Variants in UROC1 observed in about 807,000 individuals in gnomAD.
The protein encoded by UROC1 is urocanate hydratase 1.
A neutral mutation model predicts 89.5 loss-of-function variants in UROC1; 79 were observed. The observed-to-expected ratio is 0.88, with a 90% CI of 0.74 to 1.06. UROC1 has a LOEUF of 1.06. Ranked by LOEUF, UROC1 falls within the 50% of genes least tolerant of loss-of-function variation. The pLI is 0.00. For missense variants in UROC1, 885 were observed against 907.8 expected (o/e 0.97, Z 0.32); for synonymous variants, 361 against 354.8 (o/e 1.02, Z -0.20).
rs781621925 is a variant in UROC1 at position 126,504,042 on chromosome 3, C to T, written c.855G>A (p.Trp285Ter). 10 of 1,614,154 alleles carry T rather than the reference C, an allele frequency of 6.2e-6. No homozygotes were observed. Among genetic ancestry groups the T allele is most frequent in the Middle Eastern group, 1.6e-4 (1 of 6,062 alleles). ...CCAAGCTGTCAGTCACTTCCATCAGCCAGCCCTGCCTGTGGCGTTTCTCAA... is the reference window on the plus strand; with the variant it reads ...CCAAGCTGTCAGTCACTTCCATCAGTCAGCCCTGCCTGTGGCGTTTCTCAA... ...AALEKRHRQGWLMEVTDSLDR... is the reference protein window; with the variant it reads ...AALEKRHRQG Residue 285 changes from tryptophan (W) to a stop codon, truncating the protein, a stop_gained, in exon 9 of 20, where the codon TGG (tryptophan) becomes TGA (stop). Coordinates refer to ENST00000290868, the MANE Select transcript of UROC1 (RefSeq NM_144639.3). LOFTEE classifies it high-confidence loss of function.
At chr3:126,492,324 G>A (rs940204290) in intron 16 of UROC1, 94 bp downstream of exon 16, 4 of 1,216,344 alleles carry the variant, frequency 3.3e-6, no homozygotes, top group African/African-American at 3.0e-5. Flanking sequence ...GAAGGCTGTG[G>A]GGTGCAGCCG....
At chr3:126,485,518 C>T (rs1448955883) in intron 18 of UROC1, among the ~76,000 whole-genome samples, 1 of 152,100 alleles carries the variant, frequency 6.6e-6, no homozygotes, top group African/African-American at 2.4e-5. Context: ...GGATCAGCGT[C>T]ACCAGGAGCT....
At chr3:126,502,434 TTA>T (rs1935952639) in intron 9 of UROC1, among the ~76,000 whole-genome samples, 1 of 151,786 alleles carries the variant, frequency 6.6e-6, no homozygotes, top group African/African-American at 2.4e-5. Context: ...GTGTTTGTGT[TTA>T]TTATGTATAT....
In UROC1 at chr3:126,489,342, C is replaced by A. The variant is rs773821871; in HGVS notation, c.1642G>T (p.Val548Leu). 1.2e-6 allele frequency: 2 copies of A among 1,613,246 alleles called. No homozygotes were observed. The highest frequency in any genetic ancestry group is 1.3e-5 in the African/African-American group (1 of 74,928). The change falls in exon 17 of 20, where the codon GTG (valine) becomes TTG (leucine). Residue 548 changes from valine (V) to leucine (L), a missense_variant. Transcript: ENST00000290868. ...PVVLSRDHHD[V>L]SGTDSPFRET... ...CTAAAGGGGCTGTCGGTGCCGCTCA[C>A]GTCATGGTGATCTCGGCTCAGGACC...
In UROC1 at chr3:126,482,369, C is replaced by A; in HGVS notation, c.2007G>T (p.Val669=). 6.2e-7 allele frequency: 1 copy of A among 1,613,502 alleles called. No individual in the cohort carries two copies. Among genetic ancestry groups the A allele is most frequent in the Non-Finnish European group, 8.5e-7 (1 of 1,179,904 alleles). The change falls in exon 20 of 20, where the codon GTG becomes GTT. Residue 669 remains valine, a synonymous_variant. Transcript: ENST00000290868. ...TLPHKVEDER[V]LQQALQL is the part of the protein sequence containing the mutation. ...CTCAGAGCTGCAGGGCCTGCTGGAG[C>A]ACCCGCTCGTCCTCCACCTTGTGAG... is the stretch of plus-strand genomic sequence containing the variant.
In UROC1 at chr3:126,489,330, C is replaced by T. The variant is rs755746087; in HGVS notation, c.1654G>A (p.Asp552Asn). The change falls in exon 17 of 20, where the codon GAC becomes AAC. Residue 552 changes from aspartate to asparagine, a missense_variant. Physicochemically the swap from Asp to Asn is conservative, Grantham distance 23 (BLOSUM62 1). Transcript: ENST00000290868. ...SRDHHDVSGT[D>N]SPFRETSNIY... Reference sequence around the variant, plus strand: ...TTGGAGGTCTCCCTAAAGGGGCTGTCGGTGCCGCTCACGTCATGGTGATCT... The same window carrying T: ...TTGGAGGTCTCCCTAAAGGGGCTGTTGGTGCCGCTCACGTCATGGTGATCT... 8.7e-6 allele frequency: 14 copies of T among 1,613,432 alleles called. No individual in the cohort carries two copies. The African/African-American group carries it at 9.3e-5, about 11-fold the overall frequency.
intron 18 of UROC1, among the ~76,000 whole-genome samples, chr3:126,485,360 A>G (rs1243623993): frequency 2.0e-5 from 3 of 150,892 alleles, no homozygotes; most frequent in African/African-American, 7.3e-5. Context: ...TGGCCTGAGA[A>G]CTGCTGTCAA....
intron 9 of UROC1, among the ~76,000 whole-genome samples, chr3:126,502,135 T>C (rs1221499632): frequency 1.3e-5 from 2 of 152,330 alleles, no homozygotes; most frequent in East Asian, 1.9e-4. Context: ...TGCGTGTATA[T>C]GCATATGTGT....
chr3:126,494,996 G>A (rs957978355), intron 15 of UROC1, among the ~76,000 whole-genome samples: 2 of 152,302 alleles, frequency 1.3e-5, no homozygotes, highest in African/African-American at 4.8e-5. Context: ...GTGGCGCTCA[G>A]AGAGGCTGAA....
intron 14 of UROC1, 144 bp from the exon 15 acceptor site, chr3:126,496,252 C>T (rs975257706): frequency 5.3e-6 from 4 of 758,918 alleles, no homozygotes; most frequent in South Asian, 1.6e-5. Flanking sequence ...CCCACCCCAC[C>T]CCTGCCTTTG....
intron 14 of UROC1, among the ~76,000 whole-genome samples, chr3:126,496,998 C>T (rs1159717444): frequency 6.6e-6 from 1 of 152,182 alleles, no homozygotes; most frequent in Admixed American, 6.5e-5. Flanking sequence ...TCCCCACTGG[C>T]TGCCTGCTGT....
Position 126,482,276 on chromosome 3 carries a change from T to C in UROC1, c.*69A>G. ...GTAGTGCGGGTGTGCAGGAAGGGTG[T>C]GTGCCATGGCTGGGCAGGTGAGGAT... On this transcript the variant is annotated 3_prime_UTR_variant, in exon 20 of 20. Transcript: ENST00000290868. 6.3e-7 allele frequency: 1 copy of C among 1,599,954 alleles called. No homozygotes were observed. Among genetic ancestry groups the C allele is most frequent in the South Asian group, 1.1e-5 (1 of 90,000 alleles).
In UROC1 at chr3:126,517,584, C is replaced by G; in HGVS notation, c.126+10G>C. 1 of 1,612,378 alleles carries G rather than the reference C, an allele frequency of 6.2e-7. No homozygotes were observed. Among genetic ancestry groups the G allele is most frequent in the Non-Finnish European group, 8.5e-7 (1 of 1,179,714 alleles). Reference sequence around the variant, plus strand: ...GGCCAAGGCCTCGGGAGCACGGGCCCACTGCTTACCTGTTTCTCCACAGGG... The same window carrying G: ...GGCCAAGGCCTCGGGAGCACGGGCCGACTGCTTACCTGTTTCTCCACAGGG... On this transcript the variant is annotated intron_variant, in intron 1 of 19. Coordinates refer to ENST00000290868, the MANE Select transcript of UROC1 (RefSeq NM_144639.3).
rs34663426 is a variant in UROC1 at position 126,501,235 on chromosome 3, G to A, written c.948C>T (p.Gly316=). 0.024 allele frequency: 39,149 copies of A among 1,614,114 alleles called. 575 individuals are homozygous for A. The highest frequency in any genetic ancestry group is 0.029 in the Non-Finnish European group (34,642 of 1,179,988). ...KKEVLSLGYH[G]NVVALWERLV... ...CCACTCACCAAAGAGCCACCACGTT[G>A]CCATGGTAACCAAGGCTGAGCACCT... Residue 316 remains glycine, a synonymous_variant, in exon 10 of 20, where the codon GGC becomes GGT. Transcript: ENST00000290868.
intron 1 of UROC1, among the ~76,000 whole-genome samples, chr3:126,513,421 T>C (rs1027883907): frequency 2.6e-5 from 4 of 152,180 alleles, no homozygotes; most frequent in African/African-American, 9.7e-5. Flanking sequence ...CAGGCTTCCT[T>C]CTCCACATCT....
intron 8 of UROC1, among the ~76,000 whole-genome samples, chr3:126,504,368 C>T (rs1311382281): frequency 2.6e-5 from 4 of 152,140 alleles, no homozygotes; most frequent in African/African-American, 9.7e-5. Flanking sequence ...CTCCATCCTC[C>T]CTTGCAGATA....
chr3:126,510,704 G>C lies in UROC1; in HGVS notation c.217C>G (p.His73Asp). ...EFAQELQLYG[H>D]IYMYRFCPDI... ...GGGCAAAACCGGTACATGTAGATGTGTCCGTACAGTTGCAGCTCCTGGGCA... is the reference window on the plus strand; with the variant it reads ...GGGCAAAACCGGTACATGTAGATGTCTCCGTACAGTTGCAGCTCCTGGGCA... The change falls in exon 2 of 20, where the codon CAC becomes GAC. Residue 73 changes from histidine (H) to aspartate (D), a missense_variant. His to Asp is a moderately conservative substitution (Grantham distance 81, BLOSUM62 -1). Coordinates refer to ENST00000290868, the MANE Select transcript of UROC1 (RefSeq NM_144639.3). 1 of 1,614,188 alleles carries C rather than the reference G, an allele frequency of 6.2e-7. No homozygotes were observed. The highest frequency in any genetic ancestry group is 2.2e-5 in the East Asian group (1 of 44,876).
At position 126,488,267 on chromosome 3, in the gene UROC1, T is replaced by G; in HGVS notation, c.1721A>C (p.Gln574Pro). The G allele has an allele frequency of 6.2e-7, 1 of 1,614,248 alleles. No homozygotes were observed. Among genetic ancestry groups the G allele is most frequent in the South Asian group, 1.1e-5 (1 of 91,092 alleles). ...GCGACAGGCATCTCCCACGAAGTTC[T>G]GCACAGCCATGTCTGCGGAAATAGA... is the stretch of plus-strand genomic sequence containing the variant. ...GSAFCADMAV[Q>P]NFVGDACRGA... Residue 574 changes from glutamine to proline, a missense_variant, in exon 18 of 20, where the codon CAG becomes CCG. Gln to Pro is a moderately conservative substitution (Grantham distance 76, BLOSUM62 -1). Coordinates refer to ENST00000290868, the MANE Select transcript of UROC1 (RefSeq NM_144639.3).
chr3:126,500,980 G>T (rs1935906923), intron 10 of UROC1, 106 bp from the exon 11 acceptor site: 7 of 1,488,020 alleles, frequency 4.7e-6, no homozygotes, highest in Non-Finnish European at 6.5e-6. Context: ...CACAAATCCA[G>T]CAGGCACAGC....
Sources: gnomAD v4.1 joint callset for allele counts (sites outside exome capture counted in the v4.1 genomes callset) on GRCh38, gnomAD v4.1.1 for gene constraint, MANE v1.5 for transcripts, NCBI Gene and HGNC (gene_info 2026-07-23, HGNC 2026-07-21) for gene names.